The following RIT2 variants were observed in gnomAD, a reference collection of about 807,000 sequenced individuals.
RIT2 encodes the protein Ras like without CAAX 2, also known as GTP-binding protein Rit2.
RIT2 carries 24 observed loss-of-function variants against 23.7 expected under a neutral mutation model. The ratio of observed to expected loss-of-function variants is 1.01; its 90% CI spans 0.73 to 1.43. The LOEUF (loss-of-function observed/expected upper bound fraction) is 1.43. Among genes scored for constraint, RIT2 ranks in the 40% most tolerant of loss-of-function variants. The probability of loss-of-function intolerance (pLI) is 0.00; values close to 1 mark genes in which losing one functional copy is unlikely to be tolerated. For missense variants in RIT2, 236 were observed against 266.9 expected (o/e 0.88, Z 0.81); for synonymous variants, 107 against 91.1 (o/e 1.17, Z -0.99).
chr18:42,956,834 C>T (rs2144180604), intron 3 of RIT2, among the ~76,000 whole-genome samples: 1 of 152,216 alleles, frequency 6.6e-6, no homozygotes. Context: ...ATATGTTTCA[C>T]AAGTTGTAAT....
chr18:42,901,688 T>C (rs1049974963), intron 4 of RIT2, among the ~76,000 whole-genome samples: 6 of 152,178 alleles, frequency 3.9e-5, no homozygotes, highest in East Asian at 1.9e-4. Flanking sequence ...CATGATATTA[T>C]AAAACCATGC....
At position 42,787,989 on chromosome 18, in the gene RIT2, TAAAAG is replaced by T. The variant is rs1441664125; in HGVS notation, c.427-44274_427-44270del. On this transcript the variant is annotated intron_variant, in intron 4 of 4. Coordinates refer to ENST00000326695, the MANE Select transcript of RIT2 (RefSeq NM_002930.4). ...AATTAAAAATTAATATGAATGTTAA[TAAAAG>T]TTTAAAATTTAAATTATCAAATTTT... Among the ~76,000 whole-genome samples the T allele has an allele frequency of 2.1e-5, 3 of 143,470 alleles. No individual in the cohort carries two copies. In the East Asian group the frequency reaches 1.1e-3, roughly 51 times the overall value. The allele number at this position is 143,470 out of a possible 152,430, so 94.1% of individuals were successfully genotyped here.
At chr18:43,080,492 C>A (rs1043474215) in intron 1 of RIT2, among the ~76,000 whole-genome samples, 1 of 152,096 alleles carries the variant, frequency 6.6e-6, no homozygotes, top group African/African-American at 2.4e-5. Flanking sequence ...CCCATGGCAA[C>A]CTGAAGCTGA....
Position 42,923,765 on chromosome 18 carries a change from TG to T in RIT2, c.235-3del. On this transcript the variant is annotated splice_polypyrimidine_tract_variant and splice_region_variant and intron_variant, in intron 3 of 4. Coordinates refer to ENST00000326695, the MANE Select transcript of RIT2 (RefSeq NM_002930.4). ...CTCCCGCATGGCTGTGAATTCTGCC[TG>T]CAGGAAAAAAAAAAAAAAATTAGTT... is the stretch of plus-strand genomic sequence containing the variant. 6.5e-7 allele frequency: 1 copy of T among 1,548,528 alleles called. No individual in the cohort carries two copies. The highest frequency in any genetic ancestry group is 8.6e-7 in the Non-Finnish European group (1 of 1,159,264).
chr18:42,996,362 T>C (rs1441570940), intron 2 of RIT2, among the ~76,000 whole-genome samples: 1 of 152,080 alleles, frequency 6.6e-6, no homozygotes, highest in Non-Finnish European at 1.5e-5. Context: ...TACCACTATT[T>C]CATTTTATTT....
At chr18:42,758,253 T>G (rs1484675727) in intron 4 of RIT2, among the ~76,000 whole-genome samples, 9 of 152,200 alleles carry the variant, frequency 5.9e-5, no homozygotes, top group South Asian at 2.1e-4. Context: ...CATTATAGGT[T>G]TATGTGCTAG....
intron 2 of RIT2, among the ~76,000 whole-genome samples, chr18:43,021,725 T>G (rs1353325163): frequency 6.6e-6 from 1 of 152,096 alleles, no homozygotes; most frequent in Non-Finnish European, 1.5e-5. Context: ...CCACCATGAT[T>G]GTAAGTTTCC....
chr18:42,885,417 T>C (rs8092263), intron 4 of RIT2, among the ~76,000 whole-genome samples: 20,132 of 151,846 alleles, frequency 0.13, 1,363 homozygotes, highest in Middle Eastern at 0.26. Context: ...AACCCCGTCT[T>C]TACTAAAAAT....
chr18:43,111,808 G>GTT (rs1165380257), intron 1 of RIT2, among the ~76,000 whole-genome samples: 1 of 152,028 alleles, frequency 6.6e-6, no homozygotes, highest in African/African-American at 2.4e-5. Flanking sequence ...CAGCTTCAAT[G>GTT]GTGTCAGAAG....
chr18:42,984,448 T>C (rs1910664191), intron 2 of RIT2, among the ~76,000 whole-genome samples: 1 of 152,084 alleles, frequency 6.6e-6, no homozygotes, highest in Admixed American at 6.6e-5. Context: ...TAAGGGATCC[T>C]TGTGGTCAGG....
chr18:42,981,484 A>G (rs1373002224), intron 2 of RIT2, among the ~76,000 whole-genome samples: 1 of 152,080 alleles, frequency 6.6e-6, no homozygotes, highest in African/African-American at 2.4e-5. Context: ...CAAAGGTCTG[A>G]TTTATACTAA....
chr18:43,060,496 G>A (rs1290921196), intron 1 of RIT2, among the ~76,000 whole-genome samples: 2 of 152,126 alleles, frequency 1.3e-5, no homozygotes, highest in African/African-American at 2.4e-5. Flanking sequence ...ATTGGGAGAT[G>A]CTGTGAGAGA....
intron 1 of RIT2, among the ~76,000 whole-genome samples, chr18:43,049,170 T>C (rs1202853613): frequency 1.3e-5 from 2 of 152,150 alleles, no homozygotes; most frequent in Non-Finnish European, 2.9e-5. Context: ...ATGATGATAG[T>C]GAATCTTGGC....
At chr18:43,113,095 T>C (rs908426842) in intron 1 of RIT2, among the ~76,000 whole-genome samples, 2 of 152,158 alleles carry the variant, frequency 1.3e-5, no homozygotes, top group Admixed American at 6.6e-5. Context: ...AAATAAACCA[T>C]GTATATTTTT....
At position 42,997,003 on chromosome 18, in the gene RIT2, T is replaced by C. The variant is rs578179911; in HGVS notation, c.161-22856A>G. ...CTTCCCCACAGCAGCAATTCATATT[T>C]ATAGTCCCTGTGTCACCTTTAAACA... On this transcript the variant is annotated intron_variant, in intron 2 of 4. Coordinates refer to ENST00000326695, the MANE Select transcript of RIT2 (RefSeq NM_002930.4). Among the ~76,000 whole-genome samples the C allele has an allele frequency of 6.6e-5, 10 of 152,312 alleles. No homozygotes were observed. In the East Asian group the frequency reaches 1.2e-3, roughly 18 times the overall value.
chr18:42,779,493 G>A (rs993192258), intron 4 of RIT2, among the ~76,000 whole-genome samples: 1 of 152,056 alleles, frequency 6.6e-6, no homozygotes, highest in South Asian at 2.1e-4. Context: ...TTTGCAGGGG[G>A]ATTAAATTCA....
chr18:43,089,598 A>T (rs115656111), intron 1 of RIT2, among the ~76,000 whole-genome samples: 2,422 of 152,136 alleles, frequency 0.016, 36 homozygotes, highest in African/African-American at 0.044. Context: ...AATAAAAAAA[A>T]AAATAAAGCT....
intron 1 of RIT2, among the ~76,000 whole-genome samples, chr18:43,095,322 G>A (rs1390439607): frequency 6.6e-6 from 1 of 152,012 alleles, no homozygotes; most frequent in Non-Finnish European, 1.5e-5. Context: ...GTGATGATGA[G>A]CATTTTTCCA....
At chr18:42,837,924 A>G (rs1224661834) in intron 4 of RIT2, among the ~76,000 whole-genome samples, 1 of 152,224 alleles carries the variant, frequency 6.6e-6, no homozygotes, top group African/African-American at 2.4e-5. Flanking sequence ...AACATGAAGT[A>G]GAAAAATAAA....
Sources: gnomAD v4.1 joint callset for allele counts (sites outside exome capture counted in the v4.1 genomes callset) on GRCh38, gnomAD v4.1.1 for gene constraint, MANE v1.5 for transcripts, NCBI Gene and HGNC (gene_info 2026-07-23, HGNC 2026-07-21) for gene names.